Variants in PTPRM observed in about 807,000 individuals in gnomAD.
PTPRM encodes the protein protein tyrosine phosphatase receptor type M, also known as receptor-type tyrosine-protein phosphatase mu.
PTPRM carries 47 observed loss-of-function variants against 186.7 expected under a neutral mutation model. That is an observed-to-expected ratio of 0.25 (90% confidence interval 0.20 to 0.32). PTPRM has a LOEUF of 0.32. Ranked by LOEUF, PTPRM falls within the 10% of genes least tolerant of loss-of-function variation. The pLI is 1.00. For synonymous variants in PTPRM, 668 were observed against 674.9 expected (o/e 0.99, Z 0.16); for missense variants, 1,494 against 1,865.0 (o/e 0.80, Z 3.66).
chr18:7,643,838 C>CT (rs1332315729), intron 1 of PTPRM, among the ~76,000 whole-genome samples: 1 of 152,020 alleles, frequency 6.6e-6, no homozygotes, highest in African/African-American at 2.4e-5. Context: ...GACCATTGTG[C>CT]TTTTACATAT....
At chr18:8,038,923 C>T (rs889269477) in intron 7 of PTPRM, among the ~76,000 whole-genome samples, 4 of 152,086 alleles carry the variant, frequency 2.6e-5, no homozygotes, top group East Asian at 1.9e-4. Context: ...CATAGTAAAG[C>T]GTTTGGAACA....
At chr18:7,944,766 C>T (rs1333245118) in intron 5 of PTPRM, among the ~76,000 whole-genome samples, 1 of 152,174 alleles carries the variant, frequency 6.6e-6, no homozygotes, top group Non-Finnish European at 1.5e-5. Context: ...AAGAGCTTCT[C>T]TTATTCACTA....
intron 14 of PTPRM, among the ~76,000 whole-genome samples, chr18:8,210,253 A>G (rs761614017): frequency 2.6e-5 from 4 of 152,092 alleles, no homozygotes; most frequent in Non-Finnish European, 5.9e-5. Flanking sequence ...GGAGTTTGCC[A>G]TGAGCAGAGA....
chr18:8,377,780 T>C (rs1443234024), intron 26 of PTPRM: 1 of 152,746 alleles, frequency 6.5e-6, no homozygotes, highest in East Asian at 2.0e-4. Flanking sequence ...AACAGCTCTC[T>C]GTACTTCTAA....
chr18:8,211,377 CTTTTTTTTTTTTTT>C (rs970926126), intron 14 of PTPRM, among the ~76,000 whole-genome samples: 3 of 87,232 alleles, frequency 3.4e-5, no homozygotes, highest in African/African-American at 1.4e-4. Context: ...GTCTCTTCTT[CTTTTTTTTTTTTTT>C]TTTTTTTTTT....
Position 8,394,485 on chromosome 18 carries a change from A to C in PTPRM, c.4218A>C (p.Gly1406=), listed in dbSNP as rs755369337. 5.0e-6 allele frequency: 8 copies of C among 1,610,748 alleles called. No individual in the cohort carries two copies. Among genetic ancestry groups the C allele is most frequent in the Non-Finnish European group, 6.8e-6 (8 of 1,178,398 alleles). ...GRTVVHCLNG[G]GRSGTFCAIS... is the part of the protein sequence containing the mutation. ...ATCTTTTTCACGACAGGAACGGGGG[A>C]GGCCGCAGTGGGACGTTCTGCGCCA... is the stretch of plus-strand genomic sequence containing the variant. The change falls in exon 32 of 33, where the codon GGA becomes GGC. Residue 1406 remains glycine (G), a synonymous_variant. Coordinates refer to ENST00000580170, the MANE Select transcript of PTPRM (RefSeq NM_001105244.2).
chr18:8,001,400 G>T (rs1332287936), intron 7 of PTPRM, among the ~76,000 whole-genome samples: 1 of 152,152 alleles, frequency 6.6e-6, no homozygotes, highest in Non-Finnish European at 1.5e-5. Flanking sequence ...TCCAGTTATG[G>T]TTTCTCTGAA....
chr18:8,233,782 T>G (rs2094314639), intron 14 of PTPRM, among the ~76,000 whole-genome samples: 1 of 152,202 alleles, frequency 6.6e-6, no homozygotes, highest in Non-Finnish European at 1.5e-5. Flanking sequence ...AGTTTTGCAT[T>G]TTACATTTAG....
intron 14 of PTPRM, among the ~76,000 whole-genome samples, chr18:8,238,204 C>T (rs2094368876): frequency 2.0e-5 from 3 of 152,082 alleles, no homozygotes; most frequent in South Asian, 2.1e-4. Flanking sequence ...GTTCCTTTCT[C>T]CTCCTTCTTG....
At chr18:8,345,567 C>T (rs979959879) in intron 23 of PTPRM, among the ~76,000 whole-genome samples, 9 of 151,502 alleles carry the variant, frequency 5.9e-5, no homozygotes, top group African/African-American at 1.2e-4. Context: ...TAAAAATTGA[C>T]GCATGGAAAT....
At chr18:7,762,246 C>T (rs2041809667) in intron 1 of PTPRM, among the ~76,000 whole-genome samples, 1 of 151,830 alleles carries the variant, frequency 6.6e-6, no homozygotes. Context: ...TGTGAAAAGC[C>T]CTCAGCAACA....
chr18:7,884,011 G>A (rs1433975126), intron 2 of PTPRM, among the ~76,000 whole-genome samples: 1 of 152,206 alleles, frequency 6.6e-6, no homozygotes, highest in South Asian at 2.1e-4. Context: ...GCAGGGTGTG[G>A]TGATGCACAC....
At chr18:8,081,067 T>G (rs2090101087) in intron 9 of PTPRM, among the ~76,000 whole-genome samples, 1 of 152,238 alleles carries the variant, frequency 6.6e-6, no homozygotes, top group South Asian at 2.1e-4. Flanking sequence ...GATGGTGTTT[T>G]ATGCTGGCTG....
intron 3 of PTPRM, among the ~76,000 whole-genome samples, chr18:7,897,514 C>G (rs1383096359): frequency 6.6e-6 from 1 of 152,170 alleles, no homozygotes; most frequent in Admixed American, 6.5e-5. Flanking sequence ...GACAATATGT[C>G]TCAAGAAGCC....
intron 1 of PTPRM, among the ~76,000 whole-genome samples, chr18:7,666,143 G>C (rs1309527872): frequency 6.6e-6 from 1 of 152,134 alleles, no homozygotes; most frequent in East Asian, 1.9e-4. Flanking sequence ...CAAAGCTATT[G>C]AAGTTTTATT....
At chr18:7,699,999 T>A (rs1031871665) in intron 1 of PTPRM, among the ~76,000 whole-genome samples, 1 of 152,178 alleles carries the variant, frequency 6.6e-6, no homozygotes. Flanking sequence ...TTGCCATACA[T>A]CACTCTATTA....
chr18:8,146,473 T>C (rs547464687), intron 14 of PTPRM, among the ~76,000 whole-genome samples: 1 of 149,914 alleles, frequency 6.7e-6, no homozygotes, highest in Non-Finnish European at 1.5e-5. Context: ...TGTCTGTTCA[T>C]ATCCTTTGCC....
chr18:7,958,946 C>T (rs1438244235), intron 7 of PTPRM, among the ~76,000 whole-genome samples: 6 of 152,166 alleles, frequency 3.9e-5, no homozygotes, highest in East Asian at 1.9e-4. Context: ...CCAGAGTCAG[C>T]GGTTGAGAAC....
At chr18:8,151,101 C>T (rs550014532) in intron 14 of PTPRM, among the ~76,000 whole-genome samples, 11 of 152,254 alleles carry the variant, frequency 7.2e-5, no homozygotes, top group Admixed American at 6.5e-4. Flanking sequence ...TCAGGATACA[C>T]GGGGGTCAGG....
Sources: allele counts gnomAD v4.1 joint callset (sites outside exome capture counted in the v4.1 genomes callset), GRCh38; gene constraint gnomAD v4.1.1; transcripts MANE v1.5; gene names NCBI Gene and HGNC (gene_info 2026-07-23, HGNC 2026-07-21).